LAMP3: variants seen among roughly 807,000 people sequenced by gnomAD.
LAMP3 encodes the protein lysosome associated membrane protein 3.
LAMP3 carries 26 observed loss-of-function variants against 34.8 expected under a neutral mutation model. The observed-to-expected ratio is 0.75, with a 90% CI of 0.55 to 1.04. LAMP3 has a LOEUF of 1.04. LAMP3 is among the 50% of genes least tolerant of loss of function. The pLI, the probability that LAMP3 is intolerant of heterozygous loss-of-function variation, is 0.00. For synonymous variants in LAMP3, 180 were observed against 201.9 expected (o/e 0.89, Z 0.92); for missense variants, 495 against 524.0 (o/e 0.94, Z 0.54).
intron 1 of LAMP3, among the ~76,000 whole-genome samples, 193 bp from the exon 2 acceptor site, chr3:183,154,584 T>C (rs986960393): frequency 3.3e-5 from 5 of 152,186 alleles, no homozygotes; most frequent in Admixed American, 6.5e-5. Flanking sequence ...AATTGTAATG[T>C]TCTGGTTGTA....
At chr3:183,156,516 AG>A (rs1720826739) in intron 1 of LAMP3, among the ~76,000 whole-genome samples, 1 of 152,194 alleles carries the variant, frequency 6.6e-6, no homozygotes, top group Admixed American at 6.5e-5. Flanking sequence ...GGGCTGAGAA[AG>A]GGAAAGGAGA....
Position 183,154,195 on chromosome 3 carries a change from TTTTAC to T in LAMP3, c.241_245del (p.Val81AsnfsTer40), listed in dbSNP as rs1440941670. ...TAGTCGCTGGGGTAGTTGTTGGAAT[TTTTAC>T]TGTGGCCGCTGTTTGAAAGGTGATA... On this transcript the variant is annotated frameshift_variant, in exon 2 of 6. Coordinates refer to ENST00000265598, the MANE Select transcript of LAMP3 (RefSeq NM_014398.4). LOFTEE classifies it high-confidence loss of function. 6.2e-7 allele frequency: 1 copy of T among 1,614,054 alleles called. No homozygotes were observed. The highest frequency in any genetic ancestry group is 1.1e-5 in the South Asian group (1 of 91,070).
chr3:183,143,095 C>G (rs182715852), intron 3 of LAMP3, among the ~76,000 whole-genome samples: 1 of 152,212 alleles, frequency 6.6e-6, no homozygotes, highest in Admixed American at 6.5e-5. Context: ...GAAACATTGA[C>G]TAGGACTAAG....
intron 1 of LAMP3, among the ~76,000 whole-genome samples, chr3:183,160,350 C>A (rs1231078773): frequency 5.3e-5 from 8 of 152,216 alleles, no homozygotes; most frequent in African/African-American, 1.9e-4. Context: ...CATGCAGGAT[C>A]ATGTAGCACA....
At chr3:183,153,228 A>T (rs1490714587) in intron 2 of LAMP3, among the ~76,000 whole-genome samples, 1 of 151,752 alleles carries the variant, frequency 6.6e-6, no homozygotes, top group African/African-American at 2.4e-5. Context: ...CCTTTAGTAT[A>T]TCAAATAATC....
At chr3:183,139,954 C>T (rs1032300769) in intron 4 of LAMP3, among the ~76,000 whole-genome samples, 1 of 152,182 alleles carries the variant, frequency 6.6e-6, no homozygotes, top group African/African-American at 2.4e-5. Context: ...GACAGCAAAT[C>T]TGTCAAAAAG....
intron 5 of LAMP3, among the ~76,000 whole-genome samples, chr3:183,134,380 C>T (rs776408769): frequency 6.6e-6 from 1 of 152,116 alleles, no homozygotes; most frequent in Non-Finnish European, 1.5e-5. Context: ...CACTGGCGTG[C>T]ACTGCTGAAA....
chr3:183,140,146 C>T (rs1386504806), intron 4 of LAMP3, among the ~76,000 whole-genome samples: 1 of 152,098 alleles, frequency 6.6e-6, no homozygotes, highest in Non-Finnish European at 1.5e-5. Flanking sequence ...GTGGCTCACG[C>T]CTGTAATCCC....
intron 5 of LAMP3, chr3:183,133,027 T>C: frequency 2.7e-6 from 2 of 730,740 alleles, no homozygotes; most frequent in Non-Finnish European, 3.3e-6. Flanking sequence ...CTGCCACATC[T>C]GCCTCAGCTT....
rs200785583 is a variant in LAMP3 at position 183,157,295 on chromosome 3, G to C, written c.50-2904C>G. ...AAATGCATGATACTTGAGAGTGGTA[G>C]GTTTGATGGGCTATAGGTTTACCTA... On this transcript the variant is annotated intron_variant, in intron 1 of 5. Transcript: ENST00000265598. Among the ~76,000 whole-genome samples the C allele has an allele frequency of 1.4e-4, 22 of 152,300 alleles. No homozygotes were observed. In the East Asian group the frequency reaches 3.9e-3, roughly 27 times the overall value.
intron 3 of LAMP3, among the ~76,000 whole-genome samples, chr3:183,150,565 CT>C (rs10665288): frequency 0.12 from 10,165 of 85,786 alleles, 257 homozygotes; most frequent in Admixed American, 0.19. Flanking sequence ...GCCAAAGTGA[CT>C]TTTTTTTTTT....
intron 2 of LAMP3, among the ~76,000 whole-genome samples, chr3:183,153,032 G>A (rs960128373): frequency 5.9e-5 from 9 of 151,984 alleles, no homozygotes; most frequent in African/African-American, 1.7e-4. Flanking sequence ...AAAATTAGCC[G>A]GGTGTGATGG....
intron 1 of LAMP3, among the ~76,000 whole-genome samples, chr3:183,154,765 T>C (rs201481736): frequency 2.6e-5 from 4 of 152,320 alleles, no homozygotes; most frequent in East Asian, 3.9e-4. Context: ...CATAAAATAG[T>C]GTTCCTGGGT....
At chr3:183,135,996 G>A in intron 4 of LAMP3, 109 bp from the exon 5 acceptor site, 1 of 836,262 alleles carries the variant, frequency 1.2e-6, no homozygotes, top group South Asian at 1.6e-5. Context: ...CCTTCCGAGG[G>A]GCTTTCTGGG....
Position 183,140,565 on chromosome 3 carries a change from C to T in LAMP3, c.919G>A (p.Gly307Arg). 1.2e-6 allele frequency: 2 copies of T among 1,605,718 alleles called. No individual in the cohort carries two copies. Among genetic ancestry groups the T allele is most frequent in the Non-Finnish European group, 1.7e-6 (2 of 1,172,490 alleles). The change falls in exon 4 of 6, where the codon GGA (glycine) becomes AGA (arginine). Residue 307 changes from glycine (G) to arginine (R), a missense_variant. Physicochemically the swap from Gly to Arg is moderately radical, Grantham distance 125. Coordinates refer to ENST00000265598, the MANE Select transcript of LAMP3 (RefSeq NM_014398.4). The part of the protein sequence containing the change: ...DEESYYISEV[G>R]AYLTVSDPET... Reference sequence around the variant, plus strand: ...GGATCTGAGACGGTCAAATAGGCTCCCACTTCACTGATATAATATGATTCT... The same window carrying T: ...GGATCTGAGACGGTCAAATAGGCTCTCACTTCACTGATATAATATGATTCT...
chr3:183,124,244 G>C, intron 5 of LAMP3, 30 bp from the exon 6 acceptor site: 1 of 1,503,876 alleles, frequency 6.6e-7, no homozygotes. Flanking sequence ...CAATACAGTG[G>C]GTAAGGTTTG....
chr3:183,135,763 A>G lies in LAMP3; in HGVS notation c.1071T>C (p.Asp357=), dbSNP rs1720064476. The part of the protein sequence containing the change: ...LSAHLQVKTT[D]VQLQAFDFED... ...CAAAATCAAAGGCTTGAAGTTGGAC[A>G]TCGGTTGTTTTCACCTGCAGGTGGG... is the stretch of plus-strand genomic sequence containing the variant. The change falls in exon 5 of 6, where the codon GAT becomes GAC. Residue 357 remains aspartate, a synonymous_variant. Coordinates refer to ENST00000265598, the MANE Select transcript of LAMP3 (RefSeq NM_014398.4). The G allele has an allele frequency of 1.9e-6, 3 of 1,614,198 alleles. No individual in the cohort carries two copies. The highest frequency in any genetic ancestry group is 1.7e-6 in the Non-Finnish European group (2 of 1,180,018).
intron 3 of LAMP3, among the ~76,000 whole-genome samples, chr3:183,147,721 T>A (rs1486157891): frequency 6.6e-6 from 1 of 152,066 alleles, no homozygotes; most frequent in Non-Finnish European, 1.5e-5. Context: ...TCTTATTGAT[T>A]GATGTCTTTT....
intron 4 of LAMP3, among the ~76,000 whole-genome samples, chr3:183,139,304 C>T (rs1004311461): frequency 5.9e-5 from 9 of 151,354 alleles, no homozygotes; most frequent in Non-Finnish European, 1.2e-4. Flanking sequence ...GCAGGAGAAT[C>T]GCTTGAATCT....
Sources: gnomAD v4.1 joint callset for allele counts (sites outside exome capture counted in the v4.1 genomes callset) on GRCh38, gnomAD v4.1.1 for gene constraint, MANE v1.5 for transcripts, NCBI Gene and HGNC (gene_info 2026-07-23, HGNC 2026-07-21) for gene names.